CHD2: variants seen among roughly 807,000 people sequenced by gnomAD.
The protein encoded by CHD2 is ATP-dependent chromatin remodeler CHD2.
Under a neutral mutation model 243.9 loss-of-function variants are expected in CHD2, and 28 were observed. That is an observed-to-expected ratio of 0.11 (90% CI 0.09 to 0.16). CHD2 has a LOEUF of 0.16. CHD2 is among the 10% of genes least tolerant of loss of function. The pLI, the probability that CHD2 is intolerant of heterozygous loss-of-function variation, is 1.00. For synonymous variants in CHD2, 775 were observed against 779.0 expected (o/e 0.99, Z 0.09); for missense variants, 1,386 against 2,209.8 (o/e 0.63, Z 7.47).
In CHD2 at chr15:92,998,340, T is replaced by C; in HGVS notation, c.3886-159T>C. 7.3e-7 allele frequency: 1 copy of C among 1,372,010 alleles called. No homozygotes were observed. The highest frequency in any genetic ancestry group is 9.7e-7 in the Non-Finnish European group (1 of 1,031,938). 85.0% of individuals were successfully genotyped at this position (1,372,010 alleles called of 1,614,324 possible). ...CGGCTCGTGAGGGATTTTCAGTGAC[T>C]GGGAGCCATGGACATGAGATAGGAT... On this transcript the variant is annotated intron_variant, in intron 30 of 38. Coordinates refer to ENST00000394196, the MANE Select transcript of CHD2 (RefSeq NM_001271.4). This position sits in a 1 kb window ranked among gnomAD's most constrained non-coding sequence, Gnocchi z 5.1.
chr15:92,932,989 C>T (rs574709513), intron 5 of CHD2, among the ~76,000 whole-genome samples: 50 of 151,810 alleles, frequency 3.3e-4, no homozygotes, highest in Non-Finnish European at 7.2e-4. Flanking sequence ...GTGATCCACC[C>T]GCCTCAGCCT....
intron 5 of CHD2, among the ~76,000 whole-genome samples, chr15:92,932,000 C>A (rs1449879802): frequency 6.6e-6 from 1 of 151,774 alleles, no homozygotes; most frequent in African/African-American, 2.4e-5. Flanking sequence ...GTAGCTGGGA[C>A]TACAGGCGTG....
At chr15:92,984,932 C>G (rs192763885) in intron 25 of CHD2, among the ~76,000 whole-genome samples, 2 of 152,296 alleles carry the variant, frequency 1.3e-5, no homozygotes, top group East Asian at 1.9e-4. Flanking sequence ...TGACAGTTCA[C>G]AAAGCTCCAT....
At chr15:92,937,240 T>G (rs1027532758) in intron 5 of CHD2, among the ~76,000 whole-genome samples, 3 of 151,756 alleles carry the variant, frequency 2.0e-5, no homozygotes, top group Non-Finnish European at 4.4e-5. Flanking sequence ...CTTGTGCATG[T>G]TATGGTTTCA....
chr15:93,001,580 G>A (rs1196324678), intron 32 of CHD2, among the ~76,000 whole-genome samples: 2 of 152,054 alleles, frequency 1.3e-5, no homozygotes, highest in East Asian at 1.9e-4. Context: ...GCAGTGGCGC[G>A]ATCTGGGCTC....
intron 2 of CHD2, among the ~76,000 whole-genome samples, chr15:92,917,685 G>T (rs1455171450): frequency 6.6e-6 from 1 of 152,230 alleles, no homozygotes; most frequent in Non-Finnish European, 1.5e-5. Flanking sequence ...TTAATAATCA[G>T]TTCAACTGAA....
chr15:92,916,658 A>G (rs534645652), intron 2 of CHD2, among the ~76,000 whole-genome samples: 14 of 152,276 alleles, frequency 9.2e-5, no homozygotes, highest in Non-Finnish European at 2.1e-4. Flanking sequence ...CGTTCAAGCG[A>G]TTCTCCTACC....
intron 8 of CHD2, among the ~76,000 whole-genome samples, chr15:92,942,405 C>CTTTTTTT (rs202182060): frequency 7.4e-6 from 1 of 135,878 alleles, no homozygotes; most frequent in Non-Finnish European, 1.6e-5. Context: ...TTTCTTTTGG[C>CTTTTTTT]TTTTTTTTTT....
At chr15:92,908,294 T>C (rs2052659866) in intron 2 of CHD2, among the ~76,000 whole-genome samples, 1 of 152,218 alleles carries the variant, frequency 6.6e-6, no homozygotes, top group Non-Finnish European at 1.5e-5. Flanking sequence ...TCTAATTGGC[T>C]GTAGCTTGCT....
intron 2 of CHD2, among the ~76,000 whole-genome samples, chr15:92,915,324 G>T (rs369871825): frequency 7.9e-4 from 120 of 152,210 alleles, no homozygotes; most frequent in African/African-American, 2.7e-3. Flanking sequence ...GCCCAGGCTG[G>T]AGTGCAGTGG....
At chr15:93,005,836 C>T (rs974659023) in intron 34 of CHD2, among the ~76,000 whole-genome samples, 1 of 152,100 alleles carries the variant, frequency 6.6e-6, no homozygotes, top group Admixed American at 6.5e-5. Context: ...AGCCAGCTAA[C>T]CAATCTGTTT....
chr15:93,022,294 G>A (rs930717791), intron 38 of CHD2: 6 of 152,240 alleles, frequency 3.9e-5, no homozygotes, highest in African/African-American at 1.4e-4. Flanking sequence ...GGGAGCAAGA[G>A]AGAGAGGAGG....
intron 11 of CHD2, 21 bp downstream of exon 11, chr15:92,945,886 A>G (rs1193899659): frequency 6.4e-6 from 10 of 1,561,066 alleles, no homozygotes; most frequent in Non-Finnish European, 8.7e-6. Flanking sequence ...AATTTTATTT[A>G]TAAATGTTCT....
intron 5 of CHD2, among the ~76,000 whole-genome samples, chr15:92,932,536 G>T (rs1057507290): frequency 2.8e-5 from 4 of 142,998 alleles, no homozygotes; most frequent in African/African-American, 1.0e-4. Flanking sequence ...GAGTGAGAAC[G>T]TGCGGTGTTT....
In CHD2 at chr15:92,924,356, C is replaced by T. The variant is rs377012056; in HGVS notation, c.98C>T (p.Ser33Leu). Reference protein sequence around the residue: ...SASEEASGSDSGSQSESEQGS... With the variant: ...SASEEASGSDLGSQSESEQGS... ...TCTGAAGAAGCTTCGGGTTCAGACT[C>T]AGGCAGTCAGTCGGAAAGTGAGCAG... The change falls in exon 3 of 39, where the codon TCA becomes TTA. Residue 33 changes from serine to leucine, a missense_variant. By Grantham distance (145) the Ser-to-Leu change is moderately radical. Around this residue, in one of 19 missense-constraint regions of CHD2, gnomAD observed 89 missense variants for 102.4 expected, o/e 0.87. Coordinates refer to ENST00000394196, the MANE Select transcript of CHD2 (RefSeq NM_001271.4). 26 of 1,613,916 alleles carry T rather than the reference C, an allele frequency of 1.6e-5. No homozygotes were observed. The highest frequency in any genetic ancestry group is 2.0e-5 in the Non-Finnish European group (24 of 1,180,002).
intron 16 of CHD2, among the ~76,000 whole-genome samples, chr15:92,958,686 T>C (rs1262706638): frequency 6.6e-6 from 1 of 152,258 alleles, no homozygotes; most frequent in African/African-American, 2.4e-5. Flanking sequence ...GTAAAATGTT[T>C]TGACTTTTCA....
intron 37 of CHD2, among the ~76,000 whole-genome samples, chr15:93,018,134 T>G (rs916764083): frequency 6.6e-6 from 1 of 152,248 alleles, no homozygotes; most frequent in African/African-American, 2.4e-5. Context: ...ACCACAGACA[T>G]TGACACCCTG....
intron 5 of CHD2, among the ~76,000 whole-genome samples, chr15:92,935,140 AT>A (rs2053242714): frequency 6.8e-6 from 1 of 147,756 alleles, no homozygotes; most frequent in Non-Finnish European, 1.5e-5. Flanking sequence ...GGTTCACGCC[AT>A]TCTCCTGCCT....
intron 2 of CHD2, among the ~76,000 whole-genome samples, chr15:92,918,869 ATT>A (rs1006878230): frequency 6.6e-6 from 1 of 151,266 alleles, no homozygotes; most frequent in African/African-American, 2.4e-5. Context: ...ATATATATAT[ATT>A]TTTTGAGACA....
Sources: gnomAD v4.1 joint callset for allele counts (sites outside exome capture counted in the v4.1 genomes callset) on GRCh38, gnomAD v4.1.1 for gene constraint, gnomAD v4.1.1 regional missense constraint, Gnocchi (gnomAD v3.1) non-coding constraint, MANE v1.5 for transcripts, NCBI Gene and HGNC (gene_info 2026-07-23, HGNC 2026-07-21) for gene names.